Variants in DPP10 observed in about 807,000 individuals in gnomAD.
The protein encoded by DPP10 is inactive dipeptidyl peptidase 10.
DPP10 carries 33 observed loss-of-function variants against 120.9 expected under a neutral mutation model. That is an observed-to-expected ratio of 0.27 (90% CI 0.21 to 0.37). The LOEUF (loss-of-function observed/expected upper bound fraction) is 0.37, where lower values mean the gene tolerates loss of function less well. DPP10 is among the 10% of genes least tolerant of loss of function. DPP10 has a pLI of 1.00. For synonymous variants in DPP10, 337 were observed against 326.1 expected (o/e 1.03, Z -0.36); for missense variants, 816 against 942.8 (o/e 0.87, Z 1.76).
chr2:115,157,643 C>T (rs1306546495), intron 1 of DPP10, among the ~76,000 whole-genome samples: 2 of 152,160 alleles, frequency 1.3e-5, no homozygotes, highest in South Asian at 2.1e-4. Context: ...TGTCCAGGGA[C>T]ATGATGTGCA....
intron 5 of DPP10, among the ~76,000 whole-genome samples, chr2:115,646,108 G>GCACA (rs71394157): frequency 5.3e-5 from 8 of 150,586 alleles, no homozygotes; most frequent in South Asian, 4.2e-4. Context: ...GTGCGTGCGC[G>GCACA]CACACACACA....
chr2:115,643,591 T>C (rs1253453600), intron 5 of DPP10, among the ~76,000 whole-genome samples: 1 of 152,204 alleles, frequency 6.6e-6, no homozygotes. Context: ...TAAGACGTTA[T>C]AAAAACAGAG....
At position 115,391,391 on chromosome 2, in the gene DPP10, C is replaced by G. The variant is rs567964747; in HGVS notation, c.271+47479C>G. Among the ~76,000 whole-genome samples, 4 of 152,226 alleles carry G rather than the reference C, an allele frequency of 2.6e-5. No homozygotes were observed. In the South Asian group the frequency reaches 8.3e-4, roughly 32 times the overall value. ...TCATTCTATCTTATGGTAGCTAAAA[C>G]AGTGCACATTCAAGGATATATGAGA... On this transcript the variant is annotated intron_variant, in intron 3 of 25. Coordinates refer to ENST00000410059, the MANE Select transcript of DPP10 (RefSeq NM_020868.6).
At chr2:115,339,057 A>G (rs149495439) in intron 2 of DPP10, among the ~76,000 whole-genome samples, 1 of 152,334 alleles carries the variant, frequency 6.6e-6, no homozygotes, top group East Asian at 1.9e-4. Flanking sequence ...CACGTATCTG[A>G]CAAAGCATTT....
intron 2 of DPP10, among the ~76,000 whole-genome samples, chr2:115,334,706 A>G (rs1357714204): frequency 6.6e-6 from 1 of 152,012 alleles, no homozygotes; most frequent in Non-Finnish European, 1.5e-5. Flanking sequence ...CAAGAGAATG[A>G]AAAATATTTT....
rs144450071 is a variant in DPP10, at chr2:114,987,542, C to T, written c.61-321697C>T. Among the ~76,000 whole-genome samples, 14 of 152,058 alleles carry T rather than the reference C, an allele frequency of 9.2e-5. 2 individuals carry two copies. The highest frequency in any genetic ancestry group is 3.4e-4 in the African/African-American group (14 of 41,464). ...CTTCTTTTATCACTTTTATTTCTGG[C>T]TATATAGTCAATTCATTTACTCAGA... On this transcript the variant is annotated intron_variant, in intron 1 of 25. Coordinates refer to ENST00000410059, the MANE Select transcript of DPP10 (RefSeq NM_020868.6).
chr2:115,135,844 A>C (rs189504459), intron 1 of DPP10, among the ~76,000 whole-genome samples: 6 of 152,306 alleles, frequency 3.9e-5, no homozygotes, highest in Non-Finnish European at 8.8e-5. Context: ...GATCAAAAGC[A>C]AGTTTCCTCA....
At chr2:115,655,763 G>A (rs917014048) in intron 5 of DPP10, among the ~76,000 whole-genome samples, 6 of 151,420 alleles carry the variant, frequency 4.0e-5, no homozygotes, top group African/African-American at 1.5e-4. Flanking sequence ...CATTCCTACT[G>A]AATTGATTTT....
At chr2:115,454,847 A>G (rs1025144690) in intron 3 of DPP10, among the ~76,000 whole-genome samples, 3 of 151,690 alleles carry the variant, frequency 2.0e-5, no homozygotes, top group African/African-American at 7.2e-5. Context: ...ATAATAAACT[A>G]CTTGAACTAA....
At chr2:115,537,512 A>G (rs563149245) in intron 5 of DPP10, among the ~76,000 whole-genome samples, 24 of 151,082 alleles carry the variant, frequency 1.6e-4, no homozygotes, top group Non-Finnish European at 3.4e-4. Context: ...AATTTATCAA[A>G]TGGAAGAAAA....
intron 3 of DPP10, among the ~76,000 whole-genome samples, chr2:115,401,115 G>A (rs2068042665): frequency 6.6e-6 from 1 of 152,326 alleles, no homozygotes; most frequent in South Asian, 2.1e-4. Context: ...CTGGCTATTA[G>A]GGAGGCCTGA....
At chr2:114,987,662 T>G (rs1700484539) in intron 1 of DPP10, among the ~76,000 whole-genome samples, 1 of 152,162 alleles carries the variant, frequency 6.6e-6, no homozygotes, top group African/African-American at 2.4e-5. Context: ...TTGGAGTTCT[T>G]AAGCACTTTC....
At chr2:115,301,490 A>C (rs1437211044) in intron 1 of DPP10, among the ~76,000 whole-genome samples, 4 of 136,190 alleles carry the variant, frequency 2.9e-5, no homozygotes, top group African/African-American at 1.1e-4. Flanking sequence ...TTTTTTTTTA[A>C]CTGCACTCAC....
At chr2:115,718,096 C>T (rs775085991) in intron 7 of DPP10, among the ~76,000 whole-genome samples, 1 of 151,796 alleles carries the variant, frequency 6.6e-6, no homozygotes, top group African/African-American at 2.4e-5. Context: ...TTATTTTCAG[C>T]GTAACTGGAT....
chr2:115,718,187 T>TA (rs5833621), intron 7 of DPP10, among the ~76,000 whole-genome samples: 71 of 149,964 alleles, frequency 4.7e-4, no homozygotes, highest in African/African-American at 1.3e-3. Flanking sequence ...TTCCAGTAAT[T>TA]AAAAAAAAAA....
At chr2:115,748,105 C>G (rs921232205) in intron 10 of DPP10, among the ~76,000 whole-genome samples, 22 of 152,114 alleles carry the variant, frequency 1.4e-4, no homozygotes, top group African/African-American at 4.8e-4. Flanking sequence ...CAAATGTCCT[C>G]TCTTCTCTTT....
intron 1 of DPP10, among the ~76,000 whole-genome samples, chr2:115,181,787 C>G (rs2054095221): frequency 6.6e-6 from 1 of 152,164 alleles, no homozygotes; most frequent in Non-Finnish European, 1.5e-5. Flanking sequence ...CCACCACAGA[C>G]TATCATTGGC....
intron 1 of DPP10, among the ~76,000 whole-genome samples, chr2:115,291,153 GC>G (rs2060637641): frequency 6.6e-6 from 1 of 151,976 alleles, no homozygotes; most frequent in South Asian, 2.1e-4. Context: ...ACAGGTATGT[GC>G]CGCCATGCCT....
intron 1 of DPP10, among the ~76,000 whole-genome samples, chr2:115,132,355 A>C (rs2050404669): frequency 6.6e-6 from 1 of 152,164 alleles, no homozygotes; most frequent in Non-Finnish European, 1.5e-5. Context: ...GATCTGAAAA[A>C]GGTCTGGAAA....
Sources: allele counts gnomAD v4.1 joint callset (sites outside exome capture counted in the v4.1 genomes callset), GRCh38; gene constraint gnomAD v4.1.1; transcripts MANE v1.5; gene names NCBI Gene and HGNC (gene_info 2026-07-23, HGNC 2026-07-21).